CCBE1: variants seen among roughly 807,000 people sequenced by gnomAD.
The protein encoded by CCBE1 is collagen and calcium-binding EGF domain-containing protein 1.
A neutral mutation model predicts 50.0 loss-of-function variants in CCBE1; 37 were observed. The observed-to-expected ratio is 0.74, with a 90% CI of 0.57 to 0.97. The LOEUF is 0.97. Ranked by LOEUF, CCBE1 falls within the 50% of genes least tolerant of loss-of-function variation. CCBE1 has a pLI of 0.00. For synonymous variants in CCBE1, 234 were observed against 203.7 expected (o/e 1.15, Z -1.27); for missense variants, 538 against 523.8 (o/e 1.03, Z -0.26).
intron 2 of CCBE1, among the ~76,000 whole-genome samples, chr18:59,483,993 C>A (rs1017911213): frequency 2.0e-5 from 3 of 152,164 alleles, no homozygotes; most frequent in African/African-American, 7.2e-5. Context: ...ATTTTCCAAC[C>A]TCTCAAACTA....
chr18:59,573,357 G>A (rs1486504589), intron 2 of CCBE1, among the ~76,000 whole-genome samples: 1 of 147,212 alleles, frequency 6.8e-6, no homozygotes, highest in East Asian at 2.0e-4. Context: ...AGCAAACACT[G>A]AGGCTTACTG....
At chr18:59,696,379 T>C (rs1192912827) in intron 2 of CCBE1, 1 of 946,202 alleles carries the variant, frequency 1.1e-6, no homozygotes, top group East Asian at 3.2e-5. Context: ...CACAAGTATT[T>C]CAGGGAGCGG....
intron 6 of CCBE1, among the ~76,000 whole-genome samples, chr18:59,450,639 T>C (rs1039963020): frequency 6.6e-6 from 1 of 152,228 alleles, no homozygotes; most frequent in Admixed American, 6.5e-5. Context: ...GTTCAAGTGA[T>C]TCTCCTGCCT....
chr18:59,519,382 A>G (rs1322826251), intron 2 of CCBE1, among the ~76,000 whole-genome samples: 1 of 152,200 alleles, frequency 6.6e-6, no homozygotes, highest in Non-Finnish European at 1.5e-5. Context: ...GTTGCACACT[A>G]ATATCACACT....
intron 2 of CCBE1, among the ~76,000 whole-genome samples, chr18:59,542,735 G>C (rs1369427317): frequency 6.6e-5 from 10 of 152,192 alleles, no homozygotes; most frequent in Non-Finnish European, 1.5e-5. Context: ...GAATGCCTCT[G>C]AAGTGCCATT....
At chr18:59,446,009 G>A (rs1910651826) in intron 7 of CCBE1, among the ~76,000 whole-genome samples, 1 of 152,130 alleles carries the variant, frequency 6.6e-6, no homozygotes, top group African/African-American at 2.4e-5. Flanking sequence ...TTTATTTAAG[G>A]GTGAGAGAAA....
chr18:59,670,369 G>T (rs985387576), intron 2 of CCBE1, among the ~76,000 whole-genome samples: 1 of 152,154 alleles, frequency 6.6e-6, no homozygotes, highest in Non-Finnish European at 1.5e-5. Context: ...GGTGGGAGAA[G>T]GAATAAGAAA....
chr18:59,444,686 T>C (rs1299219929), intron 7 of CCBE1, among the ~76,000 whole-genome samples: 3 of 152,080 alleles, frequency 2.0e-5, no homozygotes, highest in South Asian at 2.1e-4. Context: ...TTTTCTCTTA[T>C]ACAGACAGGG....
At chr18:59,553,721 G>A (rs1356254854) in intron 2 of CCBE1, among the ~76,000 whole-genome samples, 1 of 152,220 alleles carries the variant, frequency 6.6e-6, no homozygotes, top group African/African-American at 2.4e-5. Context: ...CTGACAAGTG[G>A]TACTGAAATG....
At chr18:59,512,263 A>C (rs1048299106) in intron 2 of CCBE1, among the ~76,000 whole-genome samples, 7 of 152,196 alleles carry the variant, frequency 4.6e-5, no homozygotes, top group African/African-American at 1.7e-4. Context: ...GGTTAACACA[A>C]GCCACCTATA....
intron 2 of CCBE1, among the ~76,000 whole-genome samples, chr18:59,554,803 G>C (rs1200259888): frequency 6.6e-6 from 1 of 152,234 alleles, no homozygotes; most frequent in Non-Finnish European, 1.5e-5. Context: ...CAGCCAGACA[G>C]GACAACCCCG....
At chr18:59,506,712 C>T (rs1913889755) in intron 2 of CCBE1, among the ~76,000 whole-genome samples, 1 of 152,222 alleles carries the variant, frequency 6.6e-6, no homozygotes, top group African/African-American at 2.4e-5. Flanking sequence ...GCCCTACTGA[C>T]ATGGTGCACC....
At chr18:59,520,110 G>A (rs1267417219) in intron 2 of CCBE1, among the ~76,000 whole-genome samples, 1 of 152,178 alleles carries the variant, frequency 6.6e-6, no homozygotes, top group African/African-American at 2.4e-5. Flanking sequence ...GCAGCATGAT[G>A]CCTCCAGCTT....
chr18:59,466,983 C>G, intron 4 of CCBE1, 92 bp from the exon 5 acceptor site: 1 of 1,139,942 alleles, frequency 8.8e-7, no homozygotes, highest in Non-Finnish European at 1.3e-6. Context: ...CTGTTAATAA[C>G]AATGAAGGAC....
intron 2 of CCBE1, among the ~76,000 whole-genome samples, chr18:59,495,248 T>C (rs1913294086): frequency 1.3e-5 from 2 of 152,138 alleles, no homozygotes; most frequent in South Asian, 2.1e-4. Flanking sequence ...TCATGGAACA[T>C]TTCACACTTT....
chr18:59,625,362 C>A (rs534416510), intron 2 of CCBE1, among the ~76,000 whole-genome samples: 16 of 143,448 alleles, frequency 1.1e-4, no homozygotes, highest in African/African-American at 3.2e-4. Flanking sequence ...ATCCGGGAGG[C>A]GGAGCTTGCA....
At chr18:59,635,292 G>A (rs537684442) in intron 2 of CCBE1, among the ~76,000 whole-genome samples, 1 of 151,730 alleles carries the variant, frequency 6.6e-6, no homozygotes, top group Non-Finnish European at 1.5e-5. Flanking sequence ...AAGCAAAATA[G>A]TATTTTTAGC....
chr18:59,645,374 G>A (rs939522163), intron 2 of CCBE1, among the ~76,000 whole-genome samples: 1 of 152,206 alleles, frequency 6.6e-6, no homozygotes, highest in Non-Finnish European at 1.5e-5. Context: ...ACAGGTAACA[G>A]AAAATGTCAC....
intron 2 of CCBE1, among the ~76,000 whole-genome samples, chr18:59,539,195 ACACAC>A (rs1369993989): frequency 1.5e-5 from 2 of 135,144 alleles, no homozygotes; most frequent in African/African-American, 5.6e-5. Flanking sequence ...ACACACACAC[ACACAC>A]AAAAAACAAA....
Sources: allele counts gnomAD v4.1 joint callset (sites outside exome capture counted in the v4.1 genomes callset), GRCh38; gene constraint gnomAD v4.1.1; transcripts MANE v1.5; gene names NCBI Gene and HGNC (gene_info 2026-07-23, HGNC 2026-07-21).